Variants in SMCHD1 observed in about 807,000 individuals in gnomAD.
SMCHD1 encodes structural maintenance of chromosomes flexible hinge domain-containing protein 1.
SMCHD1 carries 78 observed loss-of-function variants against 254.7 expected under a neutral mutation model. The ratio of observed to expected loss-of-function variants is 0.31; its 90% CI spans 0.26 to 0.37. The LOEUF is 0.37. Among genes scored for constraint, SMCHD1 ranks in the 10% least tolerant of loss-of-function variants. SMCHD1 has a pLI of 1.00. For missense variants in SMCHD1, 1,840 were observed against 2,408.1 expected, an observed-to-expected ratio of 0.76 and a Z score of 4.94; for synonymous variants, 766 against 794.9, an observed-to-expected ratio of 0.96 and a Z score of 0.61.
Position 2,754,383 on chromosome 18 carries a change from G to GATCA in SMCHD1, c.4346+1832_4346+1833insTCAA, listed in dbSNP as rs1295229839. ...GAAACAAAAGGATTCAAAGTGAAAT[G>GATCA]AGCAAGGTAAAAAGCTCATGGGGTG... On this transcript the variant is annotated intron_variant, in intron 34 of 47. Coordinates refer to ENST00000320876, the MANE Select transcript of SMCHD1 (RefSeq NM_015295.3). 9.2e-5 allele frequency among the ~76,000 whole-genome samples: 14 copies of GATCA among 152,298 alleles called. No homozygotes were observed. The East Asian group carries it at 2.7e-3, about 29-fold the overall frequency.
chr18:2,715,441 G>C (rs2074775017), intron 17 of SMCHD1, among the ~76,000 whole-genome samples: 1 of 150,056 alleles, frequency 6.7e-6, no homozygotes, highest in African/African-American at 2.5e-5. Context: ...TATTACAGAA[G>C]TTCTTTTTTA....
At chr18:2,750,691 A>G (rs2075554859) in intron 32 of SMCHD1, among the ~76,000 whole-genome samples, 184 bp downstream of exon 32, 1 of 152,114 alleles carries the variant, frequency 6.6e-6, no homozygotes, top group Non-Finnish European at 1.5e-5. Flanking sequence ...TACACAAATA[A>G]TTTTCTGGAA....
intron 30 of SMCHD1, among the ~76,000 whole-genome samples, chr18:2,748,431 C>T (rs1366222003): frequency 0.14 from 10 of 72 alleles, no homozygotes; most frequent in East Asian, 0.25. Flanking sequence ...CTCGCTGCAA[C>T]GCCCCAGGCT....
At position 2,803,461 on chromosome 18, in the gene SMCHD1, CTT is replaced by C. The variant is rs1218909571; in HGVS notation, c.*911_*912del. The C allele has an allele frequency of 6.6e-6, 1 of 151,688 alleles. No homozygotes were observed. The highest frequency in any genetic ancestry group is 2.4e-5 in the African/African-American group (1 of 41,306). 9.4% of individuals were successfully genotyped at this position (151,688 alleles called of 1,614,324 possible). A position where few individuals can be genotyped will look rare whatever the true frequency, so the allele number is the denominator to read the frequency against. On this transcript the variant is annotated 3_prime_UTR_variant, in exon 48 of 48. Transcript: ENST00000320876. ...AACCTAATGTATGTCATATATATGTCTTTGTGTAAGTTCAAGACTATTGATCT... is the reference window on the plus strand; with the variant it reads ...AACCTAATGTATGTCATATATATGTCTGTGTAAGTTCAAGACTATTGATCT...
intron 45 of SMCHD1, among the ~76,000 whole-genome samples, chr18:2,792,601 A>G (rs1408452980): frequency 6.6e-6 from 1 of 152,212 alleles, no homozygotes; most frequent in African/African-American, 2.4e-5. Flanking sequence ...ATAGTTTGTA[A>G]TCATGACATC....
chr18:2,719,890 G>A (rs2074887947), intron 19 of SMCHD1, among the ~76,000 whole-genome samples: 2 of 152,148 alleles, frequency 1.3e-5, no homozygotes, highest in Non-Finnish European at 2.9e-5. Context: ...GGTGAGGCTG[G>A]TCTTGAACTT....
At chr18:2,786,569 G>A (rs1235613679) in intron 45 of SMCHD1, among the ~76,000 whole-genome samples, 1 of 152,040 alleles carries the variant, frequency 6.6e-6, no homozygotes, top group Non-Finnish European at 1.5e-5. Flanking sequence ...GTGGGTGCCT[G>A]TTGTCCCAGC....
intron 47 of SMCHD1, among the ~76,000 whole-genome samples, chr18:2,800,306 C>T (rs2076337511): frequency 6.6e-6 from 1 of 152,026 alleles, no homozygotes; most frequent in South Asian, 2.1e-4. Flanking sequence ...ACTTTGAAAG[C>T]TTTGTTTCCT....
intron 44 of SMCHD1, among the ~76,000 whole-genome samples, chr18:2,783,900 A>G (rs1413568957): frequency 6.6e-6 from 1 of 152,074 alleles, no homozygotes. Flanking sequence ...TTAACCCTTC[A>G]TCTTTTCCCA....
chr18:2,711,174 G>GT (rs2074658333), intron 17 of SMCHD1, among the ~76,000 whole-genome samples: 1 of 151,558 alleles, frequency 6.6e-6, no homozygotes, highest in African/African-American at 2.4e-5. Flanking sequence ...ATGGATGAGA[G>GT]TTTTTTAAAA....
chr18:2,777,061 C>G, intron 42 of SMCHD1, among the ~76,000 whole-genome samples: 1 of 32,126 alleles, frequency 3.1e-5, no homozygotes, highest in Non-Finnish European at 1.3e-4. Flanking sequence ...GCACCACCAC[C>G]TCCCCCCCCC....
intron 17 of SMCHD1, among the ~76,000 whole-genome samples, chr18:2,709,734 A>G (rs1301445663): frequency 2.0e-5 from 3 of 152,152 alleles, no homozygotes; most frequent in African/African-American, 7.2e-5. Context: ...AGGTCTATTC[A>G]GGTCCTTTGG....
At chr18:2,778,131 T>C (rs1568370479) in intron 43 of SMCHD1, 38 bp from the exon 44 acceptor site, 3 of 1,461,978 alleles carry the variant, frequency 2.1e-6, no homozygotes, top group Non-Finnish European at 2.8e-6. Flanking sequence ...CCAAGGAAAA[T>C]ATCATAATTT....
intron 17 of SMCHD1, among the ~76,000 whole-genome samples, chr18:2,717,296 C>A (rs995693295): frequency 2.0e-5 from 3 of 152,202 alleles, no homozygotes; most frequent in Admixed American, 1.3e-4. Flanking sequence ...CCCAGTTTTT[C>A]ATGGGACATG....
intron 17 of SMCHD1, among the ~76,000 whole-genome samples, chr18:2,716,221 G>A (rs1473153043): frequency 6.6e-6 from 1 of 152,208 alleles, no homozygotes; most frequent in Admixed American, 6.5e-5. Context: ...TTGTAGTAAT[G>A]TATCAGGCGG....
At chr18:2,673,865 T>C in intron 4 of SMCHD1, 150 bp from the exon 5 acceptor site, 2 of 699,350 alleles carry the variant, frequency 2.9e-6, no homozygotes, top group South Asian at 4.0e-5. Context: ...ATACTGCTGC[T>C]GAAGTGCCTT....
intron 29 of SMCHD1, among the ~76,000 whole-genome samples, chr18:2,745,938 C>A (rs1177173905): frequency 6.6e-6 from 1 of 152,216 alleles, no homozygotes; most frequent in Non-Finnish European, 1.5e-5. Context: ...CTGATAGGAT[C>A]TGTGCAGAGA....
rs181074100 is a variant in SMCHD1 at position 2,745,927 on chromosome 18, C to T, written c.3802-1595C>T. 6.7e-4 allele frequency among the ~76,000 whole-genome samples: 102 copies of T among 152,208 alleles called. 1 individual carries two copies. The highest frequency in any genetic ancestry group is 2.5e-3 in the African/African-American group (102 of 41,528). ...AATTTAATTGCTGACCCACCTTCCC[C>T]CTGATAGGATCTGTGCAGAGAGGAG... On this transcript the variant is annotated intron_variant, in intron 29 of 47. Coordinates refer to ENST00000320876, the MANE Select transcript of SMCHD1 (RefSeq NM_015295.3).
intron 1 of SMCHD1, among the ~76,000 whole-genome samples, chr18:2,658,704 G>T (rs913697896): frequency 2.7e-4 from 41 of 152,016 alleles, no homozygotes; most frequent in African/African-American, 9.7e-4. Context: ...TTACGTACTC[G>T]AAGAACTGAA....
Sources: gnomAD v4.1 joint callset for allele counts (sites outside exome capture counted in the v4.1 genomes callset) on GRCh38, gnomAD v4.1.1 for gene constraint, MANE v1.5 for transcripts, NCBI Gene and HGNC (gene_info 2026-07-23, HGNC 2026-07-21) for gene names.